The following ID2 variants were observed in gnomAD, a reference collection of about 807,000 sequenced individuals.
The protein encoded by ID2 is DNA-binding protein inhibitor ID-2.
ID2 carries 2 observed loss-of-function variants against 8.3 expected under a neutral mutation model. The observed-to-expected ratio is 0.24, with a 90% CI of 0.10 to 0.76. The LOEUF (loss-of-function observed/expected upper bound fraction) is 0.76, where lower values mean the gene tolerates loss of function less well. ID2 is among the 30% of genes least tolerant of loss of function. ID2 has a pLI of 0.73. For synonymous variants in ID2, 112 were observed against 72.3 expected, an observed-to-expected ratio of 1.55 and a Z score of -2.79; for missense variants, 155 against 167.0, an observed-to-expected ratio of 0.93 and a Z score of 0.40.
intron 1 of ID2, 75 bp downstream of exon 1, chr2:8,682,588 G>A: frequency 1.8e-6 from 2 of 1,089,118 alleles, no homozygotes; most frequent in South Asian, 1.4e-5. Flanking sequence ...TAGGAGATCC[G>A]TAGCCCAGAC....
intron 2 of ID2, 103 bp from the exon 3 acceptor site, chr2:8,683,582 T>C (rs182750881): frequency 6.6e-6 from 1 of 152,232 alleles, no homozygotes; most frequent in African/African-American, 2.4e-5. Context: ...TTTGAGTGTT[T>C]GGTTAAATGT....
chr2:8,683,078 T>TTTGG, intron 2 of ID2, 172 bp downstream of exon 2: 1 of 629,622 alleles, frequency 1.6e-6, no homozygotes, highest in Non-Finnish European at 2.9e-6. Flanking sequence ...AGCTTGTAGC[T>TTTGG]TTGGGTGCTC....
Position 8,682,350 on chromosome 2 carries a change from T to G in ID2, c.185T>G (p.Met62Arg). The stretch of plus-strand genomic sequence containing the variant: ...CCCCAGAACAAGAAGGTGAGCAAGA[T>G]GGAAATCCTGCAGCACGTCATCGAC... ...SIPQNKKVSK[M>R]EILQHVIDYI... The change falls in exon 1 of 3, where the codon ATG (methionine) becomes AGG (arginine). Residue 62 changes from methionine to arginine, a missense_variant. Physicochemically the swap from Met to Arg is moderately conservative, Grantham distance 91. Coordinates refer to ENST00000396290, the MANE Select transcript of ID2 (RefSeq NM_002166.5). The G allele has an allele frequency of 6.2e-7, 1 of 1,614,018 alleles. No individual in the cohort carries two copies. Among genetic ancestry groups the G allele is most frequent in the Non-Finnish European group, 8.5e-7 (1 of 1,180,020 alleles).
Position 8,682,890 on chromosome 2 carries a change from G to A in ID2, c.396G>A (p.Leu132=), listed in dbSNP as rs754819869. ...TAATGTCAAATGACAGCAAAGCACT[G>A]TGTGGCTGAATAAGCGGTGAGTGTT... ...SELMSNDSKA[L]CG The change falls in exon 2 of 3, where the codon CTG becomes CTA. Residue 132 remains leucine, a synonymous_variant. Transcript: ENST00000396290. The A allele has an allele frequency of 3.1e-6, 5 of 1,613,590 alleles. No homozygotes were observed. The highest frequency in any genetic ancestry group is 2.2e-5 in the South Asian group (2 of 91,062).
chr2:8,684,433 A>G lies in ID2; in HGVS notation c.*756A>G, dbSNP rs943678400. ...TTTATGTAGACTGTATAAGATTATAATAAAACATGTCTGAAGTCAATACCT... is the reference window on the plus strand; with the variant it reads ...TTTATGTAGACTGTATAAGATTATAGTAAAACATGTCTGAAGTCAATACCT... On this transcript the variant is annotated 3_prime_UTR_variant, in exon 3 of 3. Transcript: ENST00000396290. The G allele has an allele frequency of 6.6e-6, 1 of 152,400 alleles. No homozygotes were observed. The highest frequency in any genetic ancestry group is 1.5e-5 in the Non-Finnish European group (1 of 68,008). The allele number at this position is 152,400 out of a possible 1,614,324, so 9.4% of individuals were successfully genotyped here. A position where few individuals can be genotyped will look rare whatever the true frequency, so the allele number is the denominator to read the frequency against.
At position 8,682,085 on chromosome 2, in the gene ID2, G is replaced by A. The variant is rs1390153487; in HGVS notation, c.-81G>A. 2 of 1,167,464 alleles carry A rather than the reference G, an allele frequency of 1.7e-6. No homozygotes were observed. The highest frequency in any genetic ancestry group is 2.4e-5 in the East Asian group (1 of 42,540). 72.3% of individuals were successfully genotyped at this position (1,167,464 alleles called of 1,614,324 possible). A position where few individuals can be genotyped will look rare whatever the true frequency, so the allele number is the denominator to read the frequency against. On this transcript the variant is annotated 5_prime_UTR_variant, in exon 1 of 3. Transcript: ENST00000396290. ...TGAGCCGAGCCCGGTGCCAAGCGCA[G>A]CTAGCTCAGCAGGCGGCAGCGGCGG...
At position 8,684,270 on chromosome 2, in the gene ID2, T is replaced by G. The variant is rs1417940959; in HGVS notation, c.*593T>G. 6.6e-6 allele frequency: 1 copy of G among 152,490 alleles called. No homozygotes were observed. Among genetic ancestry groups the G allele is most frequent in the Admixed American group, 6.5e-5 (1 of 15,276 alleles). The allele number at this position is 152,490 out of a possible 1,614,324, so 9.4% of individuals were successfully genotyped here. ...TGCTAAACTTTTTATAAAAGTTTAGTTGTAAACTTAACCCTTTTATACAAA... is the reference window on the plus strand; with the variant it reads ...TGCTAAACTTTTTATAAAAGTTTAGGTGTAAACTTAACCCTTTTATACAAA... On this transcript the variant is annotated 3_prime_UTR_variant, in exon 3 of 3. Transcript: ENST00000396290.
chr2:8,682,990 T>C, intron 2 of ID2, 84 bp downstream of exon 2: 1 of 997,508 alleles, frequency 1.0e-6, no homozygotes, highest in African/African-American at 1.6e-5. Context: ...CTTGTGTATC[T>C]ATAAAATGTC....
chr2:8,683,021 T>TA, intron 2 of ID2, 115 bp downstream of exon 2: 2 of 815,014 alleles, frequency 2.5e-6, no homozygotes, highest in South Asian at 2.7e-5. Context: ...AATGCATGCT[T>TA]ACTTCGCGGT....
Position 8,682,917 on chromosome 2 carries a change from G to T in ID2, c.*7+11G>T, listed in dbSNP as rs1413934835. ...GTGGCTGAATAAGCGGTGAGTGTTT[G>T]CTTGTGCCACCCGTGGGTAAACTGC... is the stretch of plus-strand genomic sequence containing the variant. On this transcript the variant is annotated intron_variant, in intron 2 of 2. Coordinates refer to ENST00000396290, the MANE Select transcript of ID2 (RefSeq NM_002166.5). The T allele has an allele frequency of 6.2e-6, 10 of 1,611,352 alleles. No individual in the cohort carries two copies. The East Asian group carries it at 2.2e-4, about 36-fold the overall frequency.
At position 8,682,256 on chromosome 2, in the gene ID2, G is replaced by A. The variant is rs1354547718; in HGVS notation, c.91G>A (p.Asp31Asn). ...GISRSKTPVD[D>N]PMSLLYNMND... ...CTCCCGGAGCAAAACCCCTGTGGAC[G>A]ACCCGATGAGCCTGCTATACAACAT... is the stretch of plus-strand genomic sequence containing the variant. Residue 31 changes from aspartate (D) to asparagine (N), a missense_variant, in exon 1 of 3, where the codon GAC (aspartate) becomes AAC (asparagine). By Grantham distance (23) the Asp-to-Asn change is conservative. Transcript: ENST00000396290. 1.2e-6 allele frequency: 2 copies of A among 1,613,988 alleles called. No homozygotes were observed. The highest frequency in any genetic ancestry group is 1.3e-5 in the African/African-American group (1 of 74,936).
rs774186526 is a variant in ID2, at chr2:8,682,302, T to C, written c.137T>C (p.Leu46Pro). Residue 46 changes from leucine (L) to proline (P), a missense_variant, in exon 1 of 3, where the codon CTC (leucine) becomes CCC (proline). Leu to Pro is a moderately conservative substitution (Grantham distance 98). This residue lies in a region of ID2 where 73 missense variants were observed against 72.2 expected (regional missense o/e 1.01). Coordinates refer to ENST00000396290, the MANE Select transcript of ID2 (RefSeq NM_002166.5). ...AACATGAACGACTGCTACTCCAAGC[T>C]CAAGGAGCTGGTGCCCAGCATCCCC... ...LYNMNDCYSK[L>P]KELVPSIPQN... is the part of the protein sequence containing the mutation. 6.2e-7 allele frequency: 1 copy of C among 1,613,986 alleles called. No homozygotes were observed.
rs1662087853 is a variant in ID2 at position 8,682,066 on chromosome 2, G to A, written c.-100G>A. On this transcript the variant is annotated 5_prime_UTR_variant, in exon 1 of 3. Coordinates refer to ENST00000396290, the MANE Select transcript of ID2 (RefSeq NM_002166.5). ...CCGGGCTCGGGCTTCATTCTGAGCC[G>A]AGCCCGGTGCCAAGCGCAGCTAGCT... 1 of 930,248 alleles carries A rather than the reference G, an allele frequency of 1.1e-6. No individual in the cohort carries two copies. Among genetic ancestry groups the A allele is most frequent in the South Asian group, 1.5e-5 (1 of 65,304 alleles). 57.6% of individuals were successfully genotyped at this position (930,248 alleles called of 1,614,324 possible).
intron 2 of ID2, among the ~76,000 whole-genome samples, chr2:8,683,295 T>A (rs183093556): frequency 5.9e-5 from 9 of 152,298 alleles, no homozygotes; most frequent in African/African-American, 2.2e-4. Context: ...AAAACTATAG[T>A]CCTCTGGGAT....
chr2:8,682,070 C>G lies in ID2; in HGVS notation c.-96C>G. Reference sequence around the variant, plus strand: ...GCTCGGGCTTCATTCTGAGCCGAGCCCGGTGCCAAGCGCAGCTAGCTCAGC... The same window carrying G: ...GCTCGGGCTTCATTCTGAGCCGAGCGCGGTGCCAAGCGCAGCTAGCTCAGC... On this transcript the variant is annotated 5_prime_UTR_variant, in exon 1 of 3. Coordinates refer to ENST00000396290, the MANE Select transcript of ID2 (RefSeq NM_002166.5). 1 of 969,114 alleles carries G rather than the reference C, an allele frequency of 1.0e-6. No individual in the cohort carries two copies. The highest frequency in any genetic ancestry group is 1.6e-6 in the Non-Finnish European group (1 of 641,700). 60.0% of individuals were successfully genotyped at this position (969,114 alleles called of 1,614,324 possible). A position where few individuals can be genotyped will look rare whatever the true frequency, so the allele number is the denominator to read the frequency against.
chr2:8,682,121 A>C lies in ID2; in HGVS notation c.-45A>C, dbSNP rs756868058. The C allele has an allele frequency of 2.6e-6, 4 of 1,511,872 alleles. No homozygotes were observed. The South Asian group carries it at 3.4e-5, about 13-fold the overall frequency. The allele number at this position is 1,511,872 out of a possible 1,614,324, so 93.7% of individuals were successfully genotyped here. ...AGGCGGCAGCGGCGGCCTGAGCTTC[A>C]GGGCAGCCAGCTCCCTCCCGGTCTC... On this transcript the variant is annotated 5_prime_UTR_variant, in exon 1 of 3. Transcript: ENST00000396290.
At chr2:8,683,018 G>A in intron 2 of ID2, 112 bp downstream of exon 2, 1 of 834,754 alleles carries the variant, frequency 1.2e-6, no homozygotes, top group Non-Finnish European at 2.1e-6. Context: ...GTAAATGCAT[G>A]CTTACTTCGC....
intron 1 of ID2, 55 bp from the exon 2 acceptor site, chr2:8,682,787 AC>A: frequency 4.7e-6 from 6 of 1,276,296 alleles, no homozygotes; most frequent in Non-Finnish European, 6.6e-6. Flanking sequence ...AAAAAAAAAA[AC>A]CCTTTCTACT....
In ID2 at chr2:8,682,443, C is replaced by T. The variant is rs1662107827; in HGVS notation, c.278C>T (p.Pro93Leu). The T allele has an allele frequency of 3.7e-6, 6 of 1,613,664 alleles. No homozygotes were observed. The highest frequency in any genetic ancestry group is 2.5e-6 in the Non-Finnish European group (3 of 1,180,018). ...ATTGTCAGCCTGCATCACCAGAGAC[C>T]CGGGCAGAACCAGGCGTCCAGGACG... is the stretch of plus-strand genomic sequence containing the variant. ...PTIVSLHHQRPGQNQASRTPL... is the reference protein window; with the variant it reads ...PTIVSLHHQRLGQNQASRTPL... The change falls in exon 1 of 3, where the codon CCC (proline) becomes CTC (leucine). Residue 93 changes from proline (P) to leucine (L), a missense_variant. This residue lies in a region of ID2 where 75 missense variants were observed against 72.2 expected (regional missense o/e 1.04). Coordinates refer to ENST00000396290, the MANE Select transcript of ID2 (RefSeq NM_002166.5).
Sources: gnomAD v4.1 joint callset for allele counts (sites outside exome capture counted in the v4.1 genomes callset) on GRCh38, gnomAD v4.1.1 for gene constraint, gnomAD v4.1.1 regional missense constraint, MANE v1.5 for transcripts, NCBI Gene and HGNC (gene_info 2026-07-23, HGNC 2026-07-21) for gene names.